The following SORCS1 variants were observed in gnomAD, a reference collection of about 807,000 sequenced individuals.
SORCS1 encodes VPS10 domain-containing receptor SorCS1.
SORCS1 carries 60 observed loss-of-function variants against 146.1 expected under a neutral mutation model. The observed-to-expected ratio is 0.41, with a 90% CI of 0.33 to 0.51. The LOEUF is 0.51. Among genes scored for constraint, SORCS1 ranks in the 20% least tolerant of loss-of-function variants. The pLI is 0.21. For synonymous variants in SORCS1, 637 were observed against 584.0 expected, an observed-to-expected ratio of 1.09 and a Z score of -1.31; for missense variants, 1,352 against 1,487.6, an observed-to-expected ratio of 0.91 and a Z score of 1.50.
chr10:106,634,132 C>T (rs997427012), intron 18 of SORCS1, among the ~76,000 whole-genome samples: 1 of 152,154 alleles, frequency 6.6e-6, no homozygotes, highest in African/African-American at 2.4e-5. Flanking sequence ...TGGACTGAAG[C>T]ATAATCACAA....
At chr10:106,863,587 A>AT (rs1282860575) in intron 2 of SORCS1, among the ~76,000 whole-genome samples, 3,245 of 137,012 alleles carry the variant, frequency 0.024, 114 homozygotes, top group African/African-American at 0.072. Context: ...AATAGAGATG[A>AT]TTTTTTTTTT....
intron 1 of SORCS1, among the ~76,000 whole-genome samples, chr10:107,123,236 G>C (rs1966509158): frequency 6.6e-6 from 1 of 152,078 alleles, no homozygotes; most frequent in Non-Finnish European, 1.5e-5. Flanking sequence ...AAAATAATTG[G>C]TACTTGTATT....
chr10:106,746,885 T>A (rs1213340855), intron 5 of SORCS1, among the ~76,000 whole-genome samples: 3 of 152,188 alleles, frequency 2.0e-5, no homozygotes, highest in Non-Finnish European at 4.4e-5. Flanking sequence ...ACTCAATTAC[T>A]CAGGAAGGCC....
chr10:107,055,254 A>T (rs530758867), intron 1 of SORCS1, among the ~76,000 whole-genome samples: 1 of 152,196 alleles, frequency 6.6e-6, no homozygotes, highest in Admixed American at 6.5e-5. Flanking sequence ...TCTAAACAAC[A>T]TCAAACTCAA....
At chr10:106,961,739 A>G (rs1955233241) in intron 1 of SORCS1, among the ~76,000 whole-genome samples, 1 of 152,178 alleles carries the variant, frequency 6.6e-6, no homozygotes, top group Non-Finnish European at 1.5e-5. Context: ...GAAGTTCCAT[A>G]GCAACACCTG....
intron 5 of SORCS1, among the ~76,000 whole-genome samples, chr10:106,743,883 C>T (rs1366892956): frequency 2.6e-5 from 4 of 152,132 alleles, no homozygotes; most frequent in African/African-American, 4.8e-5. Flanking sequence ...TAGAATTAAC[C>T]ACCTTTAATA....
chr10:107,170,063 G>T, the SORCS1 span, among the ~76,000 whole-genome samples: 6 of 152,210 alleles, frequency 3.9e-5, no homozygotes, highest in African/African-American at 1.4e-4. Context: ...TTTATTTAAA[G>T]ATTGTATTAT....
At chr10:107,062,836 G>T (rs1442852914) in intron 1 of SORCS1, among the ~76,000 whole-genome samples, 1 of 152,202 alleles carries the variant, frequency 6.6e-6, no homozygotes, top group African/African-American at 2.4e-5. Context: ...AAGGATGTGT[G>T]AAGACACAGG....
At position 106,679,327 on chromosome 10, in the gene SORCS1, T is replaced by C. The variant is rs1225935355; in HGVS notation, c.1669A>G (p.Ile557Val). ...APSIIVASGNIGSELSDTDIS... is the reference protein window; with the variant it reads ...APSIIVASGNVGSELSDTDIS... ...TCAGTGTCTGACAATTCAGAACCTA[T>C]ATTACCTAGAAAGAGAAAGGTGCCA... The change falls in exon 12 of 26, where the codon ATA becomes GTA. Residue 557 changes from isoleucine to valine, a missense_variant. Physicochemically the swap from Ile to Val is conservative, Grantham distance 29 (BLOSUM62 3). This residue lies in a region of SORCS1 where 648 missense variants were observed against 793.8 expected (regional missense o/e 0.82). Coordinates refer to ENST00000263054, the MANE Select transcript of SORCS1 (RefSeq NM_052918.5). 2 of 1,611,766 alleles carry C rather than the reference T, an allele frequency of 1.2e-6. No individual in the cohort carries two copies. The highest frequency in any genetic ancestry group is 1.7e-6 in the Non-Finnish European group (2 of 1,178,656).
intron 1 of SORCS1, among the ~76,000 whole-genome samples, chr10:107,099,156 A>C (rs1964743812): frequency 6.6e-6 from 1 of 152,236 alleles, no homozygotes; most frequent in South Asian, 2.1e-4. Context: ...TTCTGAGAGT[A>C]GTAAAGTTGG....
intron 3 of SORCS1, among the ~76,000 whole-genome samples, chr10:106,798,023 A>T (rs1160293332): frequency 6.6e-6 from 1 of 152,144 alleles, no homozygotes; most frequent in East Asian, 1.9e-4. Flanking sequence ...CCCAAATCTC[A>T]TCTTGAATTC....
At chr10:106,813,682 C>A (rs2136825606) in intron 3 of SORCS1, among the ~76,000 whole-genome samples, 1 of 152,292 alleles carries the variant, frequency 6.6e-6, no homozygotes, top group East Asian at 1.9e-4. Context: ...CGCCTGCAAT[C>A]CCAAAGCTTT....
At chr10:107,154,008 C>CTTTTTTTTTTTTTTTTTTTTTTT (rs71025579) in intron 1 of SORCS1, among the ~76,000 whole-genome samples, 2 of 94,036 alleles carry the variant, frequency 2.1e-5, no homozygotes, top group African/African-American at 4.1e-5. Flanking sequence ...CTTTTCTTTT[C>CTTTTTTTTTTTTTTTTTTTTTTT]TTTTTTTTTT....
intron 1 of SORCS1, among the ~76,000 whole-genome samples, chr10:107,076,845 A>C (rs1962926988): frequency 6.6e-6 from 1 of 152,174 alleles, no homozygotes; most frequent in Non-Finnish European, 1.5e-5. Flanking sequence ...ACAATGTTGT[A>C]GGAGGAGTCT....
intron 15 of SORCS1, 66 bp downstream of exon 15, chr10:106,672,802 C>T (rs144401194): frequency 0.013 from 17,267 of 1,377,110 alleles, 157 homozygotes; most frequent in Non-Finnish European, 0.016. Context: ...ACCTTAGCAA[C>T]TAGCTTTCCC....
At chr10:106,645,756 AAAT>A (rs1478766993) in intron 18 of SORCS1, among the ~76,000 whole-genome samples, 2 of 152,050 alleles carry the variant, frequency 1.3e-5, no homozygotes, top group African/African-American at 4.8e-5. Flanking sequence ...AAACATAACA[AAAT>A]AATTTTATTA....
At position 107,012,171 on chromosome 10, in the gene SORCS1, C is replaced by T. The variant is rs78411683; in HGVS notation, c.559-55591G>A. Among the ~76,000 whole-genome samples, 1,261 of 152,244 alleles carry T rather than the reference C, an allele frequency of 8.3e-3. 20 individuals carry two copies. Among genetic ancestry groups the T allele is most frequent in the African/African-American group, 0.028 (1,158 of 41,536 alleles). On this transcript the variant is annotated intron_variant, in intron 1 of 25. Transcript: ENST00000263054. ...ACATTTTTGCTTAGTTGCAATTTCA[C>T]GCTTTCCTTCCATTTTCCAAGTTGT...
At chr10:106,713,047 G>T (rs1855108969) in intron 6 of SORCS1, among the ~76,000 whole-genome samples, 1 of 152,204 alleles carries the variant, frequency 6.6e-6, no homozygotes, top group African/African-American at 2.4e-5. Flanking sequence ...GAATCTGAGA[G>T]ATATCAGGAG....
chr10:106,944,980 G>A (rs898607705), intron 2 of SORCS1, among the ~76,000 whole-genome samples: 1 of 144,296 alleles, frequency 6.9e-6, no homozygotes, highest in African/African-American at 2.6e-5. Context: ...CTGGCTCCCG[G>A]GTTCAAGCAA....
Sources: allele counts gnomAD v4.1 joint callset (sites outside exome capture counted in the v4.1 genomes callset), GRCh38; gene constraint gnomAD v4.1.1; regional missense constraint gnomAD v4.1.1; transcripts MANE v1.5; gene names NCBI Gene and HGNC (gene_info 2026-07-23, HGNC 2026-07-21).